SLC39A8: variants seen among roughly 807,000 people sequenced by gnomAD.
SLC39A8 encodes metal cation symporter ZIP8.
SLC39A8 carries 15 observed loss-of-function variants against 40.4 expected under a neutral mutation model. The observed-to-expected ratio is 0.37, with a 90% confidence interval of 0.25 to 0.57. SLC39A8 has a LOEUF of 0.57. Among genes scored for constraint, SLC39A8 ranks in the 20% least tolerant of loss-of-function variants. The probability of loss-of-function intolerance (pLI) is 0.75; values close to 1 mark genes in which losing one functional copy is unlikely to be tolerated. For synonymous variants in SLC39A8, 223 were observed against 221.6 expected (o/e 1.01, Z -0.06); for missense variants, 472 against 558.8 (o/e 0.84, Z 1.57).
chr4:102,263,373 T>G (rs371674073), intron 8 of SLC39A8, among the ~76,000 whole-genome samples, 180 bp from the exon 9 acceptor site: 1 of 152,206 alleles, frequency 6.6e-6, no homozygotes, highest in African/African-American at 2.4e-5. Context: ...ATAATAGATA[T>G]ATTTGCATTA....
At chr4:102,264,646 C>T (rs929466236) in intron 8 of SLC39A8, among the ~76,000 whole-genome samples, 18 of 152,218 alleles carry the variant, frequency 1.2e-4, no homozygotes, top group African/African-American at 4.3e-4. Flanking sequence ...TCCTGGATGG[C>T]ATGTTCTTCT....
downstream of SLC39A8, among the ~76,000 whole-genome samples, chr4:102,258,983 C>T (rs1560521658): frequency 1.3e-5 from 2 of 152,230 alleles, no homozygotes; most frequent in Non-Finnish European, 2.9e-5. Flanking sequence ...TTTATCCCAA[C>T]AAACTCTACG....
intron 6 of SLC39A8, among the ~76,000 whole-genome samples, chr4:102,293,553 A>G (rs1013925642): frequency 6.6e-6 from 1 of 152,044 alleles, no homozygotes; most frequent in Non-Finnish European, 1.5e-5. Flanking sequence ...TACTAAAATC[A>G]GTGTACTCTT....
intron 6 of SLC39A8, among the ~76,000 whole-genome samples, chr4:102,279,463 C>T (rs1732777613): frequency 6.6e-6 from 1 of 152,138 alleles, no homozygotes; most frequent in African/African-American, 2.4e-5. Context: ...ACTCCCTTCC[C>T]GATAGTCCTG....
At chr4:102,255,676 A>G (rs1217056675) in intron 11 of SLC39A8, among the ~76,000 whole-genome samples, 1 of 152,172 alleles carries the variant, frequency 6.6e-6, no homozygotes, top group Non-Finnish European at 1.5e-5. Context: ...CAGTTTCTAA[A>G]AGGAAGAGTG....
Position 102,316,460 on chromosome 4 carries a change from T to C in SLC39A8, c.220-630A>G, listed in dbSNP as rs150989918. ...TAGTGCTGGGCTGTTTAGAAATTCA[T>C]TAACTATTAACAAGGACTAGAATCT... On this transcript the variant is annotated intron_variant, in intron 2 of 8. Coordinates refer to ENST00000356736, the MANE Select transcript of SLC39A8 (RefSeq NM_001135146.2). Among the ~76,000 whole-genome samples, 958 of 152,306 alleles carry C rather than the reference T, an allele frequency of 6.3e-3. 10 individuals are homozygous for C. The highest frequency in any genetic ancestry group is 0.022 in the African/African-American group (905 of 41,584).
At chr4:102,259,060 C>A (rs1731778519), downstream of SLC39A8, among the ~76,000 whole-genome samples, 1 of 152,200 alleles carries the variant, frequency 6.6e-6, no homozygotes, top group Admixed American at 6.5e-5. Context: ...TGCCAGACCT[C>A]CTCTGAGCCT....
At chr4:102,331,335 G>T (rs894279442) in intron 2 of SLC39A8, among the ~76,000 whole-genome samples, 2 of 152,154 alleles carry the variant, frequency 1.3e-5, no homozygotes, top group African/African-American at 4.8e-5. Context: ...TCAGGATACA[G>T]AATTGATGTG....
intron 6 of SLC39A8, among the ~76,000 whole-genome samples, chr4:102,276,509 C>CA (rs1331698146): frequency 1.1e-4 from 17 of 151,892 alleles, no homozygotes; most frequent in Admixed American, 1.0e-3. Context: ...TCTTAACAAC[C>CA]AAAAAAAGCC....
chr4:102,258,832 T>C (rs533360950), downstream of SLC39A8, among the ~76,000 whole-genome samples: 5 of 152,226 alleles, frequency 3.3e-5, no homozygotes, highest in East Asian at 9.6e-4. Flanking sequence ...ACTTAGTCCT[T>C]GGTTTTCCAG....
rs1026024357 is a variant in SLC39A8, at chr4:102,269,711, G to A, written c.841-1632C>T. On this transcript the variant is annotated intron_variant, in intron 6 of 8. Transcript: ENST00000356736. The stretch of plus-strand genomic sequence containing the variant: ...AGTGCTTTACTACTACACACATATC[G>A]GGGATGGGAATTCTTCTCTGTAATA... The A allele has an allele frequency of 4.6e-5, 7 of 152,164 alleles. No individual in the cohort carries two copies. The East Asian group carries it at 5.8e-4, about 13-fold the overall frequency. 9.4% of individuals were successfully genotyped at this position (152,164 alleles called of 1,614,324 possible).
intron 6 of SLC39A8, among the ~76,000 whole-genome samples, chr4:102,296,806 G>C (rs1733695446): frequency 6.6e-6 from 1 of 152,036 alleles, no homozygotes; most frequent in African/African-American, 2.4e-5. Context: ...ATGTTACCAA[G>C]ACCACCTCAT....
Position 102,267,648 on chromosome 4 carries a change from C to T in SLC39A8, c.1075G>A (p.Gly359Arg). 3.7e-6 allele frequency: 6 copies of T among 1,604,502 alleles called. No homozygotes were observed. Among genetic ancestry groups the T allele is most frequent in the Non-Finnish European group, 5.1e-6 (6 of 1,177,420 alleles). Residue 359 changes from glycine (G) to arginine (R), a missense_variant, in exon 8 of 9, where the codon GGG (glycine) becomes AGG (arginine). Coordinates refer to ENST00000356736, the MANE Select transcript of SLC39A8 (RefSeq NM_001135146.2). ...LGDFVILLNAGMSTRQALLFN... is the reference protein window; with the variant it reads ...LGDFVILLNARMSTRQALLFN... The stretch of plus-strand genomic sequence containing the variant: ...AGCAAGGCTTGTCGAGTGCTCATCC[C>T]TGCATTGAGTAGGATCACAAAGTCT...
intron 2 of SLC39A8, among the ~76,000 whole-genome samples, chr4:102,323,191 C>T (rs776393279): frequency 6.6e-5 from 10 of 152,202 alleles, no homozygotes; most frequent in Non-Finnish European, 1.3e-4. Flanking sequence ...CTTATAGAAG[C>T]CCATTCCACT....
At chr4:102,327,390 G>A (rs1735258997) in intron 2 of SLC39A8, among the ~76,000 whole-genome samples, 1 of 152,096 alleles carries the variant, frequency 6.6e-6, no homozygotes, top group Admixed American at 6.6e-5. Context: ...ATCCTAACCA[G>A]TTATAATCAG....
chr4:102,344,841 C>G lies in SLC39A8; in HGVS notation c.-179G>C. The G allele has an allele frequency of 7.6e-7, 1 of 1,317,598 alleles. No homozygotes were observed. The highest frequency in any genetic ancestry group is 9.6e-7 in the Non-Finnish European group (1 of 1,038,818). 81.6% of individuals were successfully genotyped at this position (1,317,598 alleles called of 1,614,324 possible). ...CCTTCGAAAGAACAGCAGCTCGCGA[C>G]CTGCGGGGCATTGAAGTGGCAGCGT... On this transcript the variant is annotated 5_prime_UTR_variant, in exon 2 of 9. Transcript: ENST00000356736.
chr4:102,276,512 A>G (rs190919836), intron 6 of SLC39A8, among the ~76,000 whole-genome samples: 1,776 of 152,296 alleles, frequency 0.012, 41 homozygotes, highest in African/African-American at 0.041. Flanking sequence ...TAACAACCAA[A>G]AAAAGCCCAG....
downstream of SLC39A8, among the ~76,000 whole-genome samples, chr4:102,256,717 TCTC>T (rs1318715051): frequency 6.6e-6 from 1 of 152,154 alleles, no homozygotes; most frequent in Non-Finnish European, 1.5e-5. Context: ...GTGTATTCCT[TCTC>T]CTGCCAAATT....
At chr4:102,276,572 G>A (rs1732628661) in intron 6 of SLC39A8, among the ~76,000 whole-genome samples, 1 of 152,122 alleles carries the variant, frequency 6.6e-6, no homozygotes, top group Admixed American at 6.5e-5. Flanking sequence ...AAGAGAAGCT[G>A]GTACCATTCC....
Sources: allele counts gnomAD v4.1 joint callset (sites outside exome capture counted in the v4.1 genomes callset), GRCh38; gene constraint gnomAD v4.1.1; transcripts MANE v1.5; gene names NCBI Gene and HGNC (gene_info 2026-07-23, HGNC 2026-07-21).